PRKG1: variants seen among roughly 807,000 people sequenced by gnomAD.
PRKG1 encodes protein kinase cGMP-dependent 1.
In PRKG1, 35 loss-of-function variants were observed where a neutral mutation model predicts 88.1. The ratio of observed to expected loss-of-function variants is 0.40; its 90% CI spans 0.30 to 0.53. The LOEUF (loss-of-function observed/expected upper bound fraction) is 0.53, where lower values mean the gene tolerates loss of function less well. Ranked by LOEUF, PRKG1 falls within the 20% of genes least tolerant of loss-of-function variation. The probability of loss-of-function intolerance (pLI) is 0.59; values close to 1 mark genes in which losing one functional copy is unlikely to be tolerated. For synonymous variants in PRKG1, 303 were observed against 292.5 expected, an observed-to-expected ratio of 1.04 and a Z score of -0.37; for missense variants, 540 against 839.8, an observed-to-expected ratio of 0.64 and a Z score of 4.41.
rs1329145188 is a variant in PRKG1, at chr10:51,748,464, G to A, written c.593-56121G>A. On this transcript the variant is annotated intron_variant, in intron 3 of 17. Transcript: ENST00000373980. ...TTTTATCTTTTAAAAGGCATCCTAA[G>A]GCAATAATTGTATTTTCTACAGAAA... Among the ~76,000 whole-genome samples, 4 of 152,096 alleles carry A rather than the reference G, an allele frequency of 2.6e-5. No homozygotes were observed. In the South Asian group the frequency reaches 8.3e-4, roughly 32 times the overall value.
chr10:51,649,929 T>C (rs1256997449), intron 3 of PRKG1, among the ~76,000 whole-genome samples: 1 of 152,206 alleles, frequency 6.6e-6, no homozygotes, highest in Non-Finnish European at 1.5e-5. Flanking sequence ...ATCTGATTGG[T>C]TGCAAAACAT....
At chr10:52,102,175 GT>G (rs915443408) in intron 7 of PRKG1, among the ~76,000 whole-genome samples, 4 of 151,946 alleles carry the variant, frequency 2.6e-5, no homozygotes, top group African/African-American at 7.3e-5. Context: ...CCTTTTTACA[GT>G]TTTTTTTGTT....
chr10:51,989,404 C>CA (rs11458677), intron 5 of PRKG1, among the ~76,000 whole-genome samples: 48,452 of 151,620 alleles, frequency 0.32, 8,252 homozygotes, highest in Admixed American at 0.39. Context: ...CTGGAAGGGA[C>CA]GGATGAGGCA....
At chr10:52,004,441 A>G (rs1003049545) in intron 5 of PRKG1, among the ~76,000 whole-genome samples, 1 of 152,196 alleles carries the variant, frequency 6.6e-6, no homozygotes, top group African/African-American at 2.4e-5. Flanking sequence ...TAAAAACTGA[A>G]GTATCATTAC....
intron 7 of PRKG1, among the ~76,000 whole-genome samples, chr10:52,068,832 C>T (rs1433381228): frequency 6.6e-6 from 1 of 152,188 alleles, no homozygotes; most frequent in African/African-American, 2.4e-5. Context: ...GTAAACTAAG[C>T]CAATTGAACT....
rs529589956 is a variant in PRKG1 at position 52,296,290 on chromosome 10, G to T, written c.*2390G>T. 6.6e-6 allele frequency: 1 copy of T among 152,156 alleles called. No homozygotes were observed. Among genetic ancestry groups the T allele is most frequent in the South Asian group, 2.1e-4 (1 of 4,820 alleles). The allele number at this position is 152,156 out of a possible 1,614,324, so 9.4% of individuals were successfully genotyped here. On this transcript the variant is annotated 3_prime_UTR_variant, in exon 18 of 18. Transcript: ENST00000373980. ...CAATATGAATAAGTTCAATGGAGAA[G>T]GAAGAAGTAGCATTCAGCACAAGAA...
At chr10:52,060,596 A>C (rs888748845) in intron 6 of PRKG1, among the ~76,000 whole-genome samples, 2 of 151,910 alleles carry the variant, frequency 1.3e-5, no homozygotes, top group Non-Finnish European at 3.0e-5. Context: ...TATTAATAAT[A>C]AGGGAAATGC....
At chr10:51,925,215 T>TTGCC (rs61231059) in intron 5 of PRKG1, among the ~76,000 whole-genome samples, 1 of 151,272 alleles carries the variant, frequency 6.6e-6, no homozygotes, top group Non-Finnish European at 1.5e-5. Flanking sequence ...TTTTGTCTGT[T>TTGCC]TGGCAAGAAG....
intron 2 of PRKG1, among the ~76,000 whole-genome samples, chr10:51,292,869 A>G (rs1840620769): frequency 6.6e-6 from 1 of 152,100 alleles, no homozygotes; most frequent in African/African-American, 2.4e-5. Context: ...GTTTACACCC[A>G]ATCCCATTTT....
intron 5 of PRKG1, among the ~76,000 whole-genome samples, chr10:51,950,778 A>G (rs1024955168): frequency 6.6e-6 from 1 of 152,268 alleles, no homozygotes; most frequent in Non-Finnish European, 1.5e-5. Flanking sequence ...GCAAAAGGCC[A>G]GTGGGACAGT....
rs78343375 is a variant in PRKG1 at position 51,482,060 on chromosome 10, A to G, written c.592+14224A>G. ...AATTCTTGGAAATAGTTTGAAAAAG[A>G]TGCACACATGATATATAAAGTGACA... On this transcript the variant is annotated intron_variant, in intron 3 of 17. Transcript: ENST00000373980. 2.2e-3 allele frequency among the ~76,000 whole-genome samples: 329 copies of G among 152,266 alleles called. 1 individual carries two copies. The highest frequency in any genetic ancestry group is 7.4e-3 in the African/African-American group (306 of 41,566).
chr10:51,210,841 A>G (rs1463739263), intron 2 of PRKG1, among the ~76,000 whole-genome samples: 1 of 152,142 alleles, frequency 6.6e-6, no homozygotes, highest in Non-Finnish European at 1.5e-5. Context: ...CAACCAAAAA[A>G]AGTCCAGGAC....
At chr10:51,895,486 C>G (rs1222036154) in intron 4 of PRKG1, among the ~76,000 whole-genome samples, 1 of 152,210 alleles carries the variant, frequency 6.6e-6, no homozygotes, top group East Asian at 1.9e-4. Context: ...TTTTGCCCAA[C>G]CCATGTCTGA....
intron 2 of PRKG1, among the ~76,000 whole-genome samples, chr10:51,247,814 C>T (rs1440420952): frequency 6.6e-6 from 1 of 151,736 alleles, no homozygotes; most frequent in Non-Finnish European, 1.5e-5. Context: ...CTCTTGTCTT[C>T]CTCTCCCATT....
chr10:51,680,560 A>G (rs1213100502), intron 3 of PRKG1, among the ~76,000 whole-genome samples: 1 of 152,232 alleles, frequency 6.6e-6, no homozygotes, highest in Non-Finnish European at 1.5e-5. Context: ...TGTCTCATAC[A>G]AGTCCTCTGT....
At chr10:52,281,414 C>T (rs1012727073) in intron 13 of PRKG1, among the ~76,000 whole-genome samples, 6 of 150,384 alleles carry the variant, frequency 4.0e-5, no homozygotes, top group African/African-American at 1.5e-4. Context: ...AAGAGAAGTT[C>T]TTTTATTTAC....
intron 9 of PRKG1, among the ~76,000 whole-genome samples, chr10:52,204,276 A>G (rs948894733): frequency 2.0e-5 from 3 of 151,806 alleles, no homozygotes; most frequent in African/African-American, 7.3e-5. Context: ...TTTTATTTTT[A>G]GTAGAGACCA....
At chr10:51,259,601 G>A (rs1162189686) in intron 2 of PRKG1, among the ~76,000 whole-genome samples, 1 of 152,246 alleles carries the variant, frequency 6.6e-6, no homozygotes, top group East Asian at 1.9e-4. Flanking sequence ...AGCCTCCTGA[G>A]TAGCTGGGAT....
intron 3 of PRKG1, among the ~76,000 whole-genome samples, chr10:51,754,581 C>T (rs904722740): frequency 6.6e-6 from 1 of 152,158 alleles, no homozygotes; most frequent in African/African-American, 2.4e-5. Context: ...GGACTTCCTA[C>T]ATTGTGGAAT....
Sources: gnomAD v4.1 joint callset for allele counts (sites outside exome capture counted in the v4.1 genomes callset) on GRCh38, gnomAD v4.1.1 for gene constraint, MANE v1.5 for transcripts, NCBI Gene and HGNC (gene_info 2026-07-23, HGNC 2026-07-21) for gene names.